Variants in VPS13D observed in about 807,000 individuals in gnomAD.
VPS13D encodes the protein vacuolar protein sorting 13 homolog D, also known as intermembrane lipid transfer protein VPS13D.
VPS13D carries 187 observed loss-of-function variants against 461.9 expected under a neutral mutation model. The ratio of observed to expected loss-of-function variants is 0.40; its 90% CI spans 0.36 to 0.46. The LOEUF is 0.46. Among genes scored for constraint, VPS13D ranks in the 20% least tolerant of loss-of-function variants. The pLI is 0.60. For synonymous variants in VPS13D, 1,951 were observed against 1,986.3 expected, an observed-to-expected ratio of 0.98 and a Z score of 0.47; for missense variants, 4,711 against 5,364.9, an observed-to-expected ratio of 0.88 and a Z score of 3.81.
chr1:12,471,499 G>A (rs1244847584), intron 67 of VPS13D, among the ~76,000 whole-genome samples: 4 of 152,064 alleles, frequency 2.6e-5, no homozygotes, highest in Non-Finnish European at 5.9e-5. Flanking sequence ...TCCCTCAGAG[G>A]CAATCACTTT....
intron 30 of VPS13D, 100 bp downstream of exon 30, chr1:12,314,427 T>A: frequency 8.7e-7 from 1 of 1,145,500 alleles, no homozygotes; most frequent in Non-Finnish European, 1.3e-6. Context: ...AAGGAATCAC[T>A]AGACAGATAA....
intron 67 of VPS13D, among the ~76,000 whole-genome samples, chr1:12,463,432 G>T (rs1020739531): frequency 6.6e-6 from 1 of 152,206 alleles, no homozygotes; most frequent in Non-Finnish European, 1.5e-5. Context: ...AGGTCCAGAA[G>T]TATTCATGAG....
chr1:12,453,530 G>A (rs975232906), intron 65 of VPS13D, among the ~76,000 whole-genome samples: 8 of 152,288 alleles, frequency 5.3e-5, no homozygotes, highest in African/African-American at 1.7e-4. Flanking sequence ...TTCTCACAGC[G>A]TCTGGGGCAC....
intron 31 of VPS13D, among the ~76,000 whole-genome samples, 154 bp downstream of exon 31, chr1:12,318,491 C>T (rs1036784251): frequency 1.3e-5 from 2 of 152,190 alleles, no homozygotes; most frequent in African/African-American, 4.8e-5. Flanking sequence ...GAGGTCTTGG[C>T]CTCCATTTTC....
intron 67 of VPS13D, among the ~76,000 whole-genome samples, chr1:12,461,207 T>C (rs72869507): frequency 0.054 from 8,278 of 152,256 alleles, 426 homozygotes; most frequent in African/African-American, 0.12. Context: ...TTGCTGCTGC[T>C]TGGATAATAG....
chr1:12,487,726 G>A (rs1202268199), intron 67 of VPS13D, among the ~76,000 whole-genome samples: 1 of 152,088 alleles, frequency 6.6e-6, no homozygotes, highest in Non-Finnish European at 1.5e-5. Context: ...GGGCTTCAGG[G>A]CTTCCCAGGG....
At chr1:12,484,006 A>T (rs12735617) in intron 67 of VPS13D, among the ~76,000 whole-genome samples, 4 of 151,808 alleles carry the variant, frequency 2.6e-5, no homozygotes, top group East Asian at 1.9e-4. Context: ...CAAAAAAAAA[A>T]AAATAAAAAT....
At position 12,505,740 on chromosome 1, in the gene VPS13D, G is replaced by C. The variant is rs1419741883; in HGVS notation, c.12795-1113G>C. Among the ~76,000 whole-genome samples the C allele has an allele frequency of 1.3e-5, 2 of 152,226 alleles. No homozygotes were observed. Among genetic ancestry groups the C allele is most frequent in the Non-Finnish European group, 2.9e-5 (2 of 68,034 alleles). ...GGAGGAGGGGCTGGAGTATGTGGGG[G>C]ATGCTTCACAGAGAAGTTAGAACCT... On this transcript the variant is annotated intron_variant, in intron 68 of 69. Coordinates refer to ENST00000620676, the MANE Select transcript of VPS13D (RefSeq NM_015378.4). The surrounding 1 kb of genome is among the most constrained non-coding windows in gnomAD (Gnocchi z 4.2).
At chr1:12,457,045 G>A (rs997235547) in intron 66 of VPS13D, among the ~76,000 whole-genome samples, 4 of 152,212 alleles carry the variant, frequency 2.6e-5, no homozygotes, top group Non-Finnish European at 5.9e-5. Context: ...AGAGATGTTG[G>A]TGATGGCATG....
intron 67 of VPS13D, among the ~76,000 whole-genome samples, chr1:12,469,221 G>GGTC (rs1645532321): frequency 6.6e-6 from 1 of 152,052 alleles, no homozygotes; most frequent in Non-Finnish European, 1.5e-5. Flanking sequence ...ACGGTCTAGG[G>GGTC]ACCCCCTGCG....
In VPS13D at chr1:12,473,529, G is replaced by A. The variant is rs537045530; in HGVS notation, c.12662+13133G>A. ...GTTTTTCCCCTCTTAATCTCTCTGA[G>A]ATGAGATTCCTTTGAGTCATATGCC... is the stretch of plus-strand genomic sequence containing the variant. On this transcript the variant is annotated intron_variant, in intron 67 of 69. Transcript: ENST00000620676. The surrounding 1 kb of genome is among the most constrained non-coding windows in gnomAD (Gnocchi z 4.2). 6.6e-6 allele frequency among the ~76,000 whole-genome samples: 1 copy of A among 152,262 alleles called. No individual in the cohort carries two copies. The highest frequency in any genetic ancestry group is 1.9e-4 in the East Asian group (1 of 5,184).
At chr1:12,423,741 C>G (rs2100268014) in intron 65 of VPS13D, among the ~76,000 whole-genome samples, 1 of 152,334 alleles carries the variant, frequency 6.6e-6, no homozygotes, top group South Asian at 2.1e-4. Context: ...CAGCCAGCCC[C>G]TGCCATCAGC....
chr1:12,434,714 A>G (rs1417360725), intron 65 of VPS13D, among the ~76,000 whole-genome samples: 2 of 152,214 alleles, frequency 1.3e-5, no homozygotes, highest in Non-Finnish European at 2.9e-5. Flanking sequence ...TTGTTCACAC[A>G]TAAACCTAAG....
chr1:12,333,157 G>A, intron 37 of VPS13D, 69 bp from the exon 38 acceptor site: 1 of 1,529,080 alleles, frequency 6.5e-7, no homozygotes, highest in Non-Finnish European at 8.8e-7. Context: ...CTGAACATTT[G>A]CGAGCAGTGT....
chr1:12,420,153 T>C (rs191257797), intron 65 of VPS13D, among the ~76,000 whole-genome samples: 2 of 152,236 alleles, frequency 1.3e-5, no homozygotes, highest in Admixed American at 1.3e-4. Context: ...CCACTTCTTA[T>C]AGGAAATGGT....
At position 12,373,730 on chromosome 1, in the gene VPS13D, A is replaced by G. The variant is rs1273140890; in HGVS notation, c.10809-20A>G. On this transcript the variant is annotated intron_variant, in intron 54 of 69. Coordinates refer to ENST00000620676, the MANE Select transcript of VPS13D (RefSeq NM_015378.4). The stretch of plus-strand genomic sequence containing the variant: ...CTGTATATATATTTTTATGTAATAT[A>G]TATATTTTTTAAATTCTAGCTTGCA... 7.3e-7 allele frequency: 1 copy of G among 1,374,948 alleles called. No homozygotes were observed. The highest frequency in any genetic ancestry group is 9.5e-7 in the Non-Finnish European group (1 of 1,053,976). The allele number at this position is 1,374,948 out of a possible 1,614,324, so 85.2% of individuals were successfully genotyped here. A position where few individuals can be genotyped will look rare whatever the true frequency, so the allele number is the denominator to read the frequency against.
intron 60 of VPS13D, among the ~76,000 whole-genome samples, chr1:12,399,049 T>C (rs1362005906): frequency 6.6e-6 from 1 of 152,216 alleles, no homozygotes; most frequent in South Asian, 2.1e-4. Flanking sequence ...ACCACCAGCG[T>C]TACAGGTATG....
chr1:12,396,712 C>T (rs1644503840), intron 60 of VPS13D, among the ~76,000 whole-genome samples: 1 of 152,122 alleles, frequency 6.6e-6, no homozygotes, highest in Admixed American at 6.5e-5. Flanking sequence ...GAGGCCAGAA[C>T]CTCTTTTCAG....
chr1:12,348,204 A>C (rs998990871), intron 44 of VPS13D, among the ~76,000 whole-genome samples: 3 of 152,252 alleles, frequency 2.0e-5, no homozygotes, highest in East Asian at 1.9e-4. Context: ...GACAAATGTT[A>C]ATCTCAGAAG....
Sources: allele counts gnomAD v4.1 joint callset (sites outside exome capture counted in the v4.1 genomes callset), GRCh38; gene constraint gnomAD v4.1.1; non-coding constraint Gnocchi (gnomAD v3.1); transcripts MANE v1.5; gene names NCBI Gene and HGNC (gene_info 2026-07-23, HGNC 2026-07-21).